The following VPS50 variants were observed in gnomAD, a reference collection of about 807,000 sequenced individuals.
VPS50 encodes the protein VPS50 subunit of EARP/GARPII complex.
In VPS50, 70 loss-of-function variants were observed where a neutral mutation model predicts 139.7. The ratio of observed to expected loss-of-function variants is 0.50; its 90% CI spans 0.41 to 0.61. The LOEUF (loss-of-function observed/expected upper bound fraction) is 0.61. Among genes scored for constraint, VPS50 ranks in the 20% least tolerant of loss-of-function variants. The probability of loss-of-function intolerance (pLI) is 0.00; values close to 1 mark genes in which losing one functional copy is unlikely to be tolerated. For synonymous variants in VPS50, 365 were observed against 376.7 expected (o/e 0.97, Z 0.36); for missense variants, 921 against 1,133.7 (o/e 0.81, Z 2.69).
intron 21 of VPS50, among the ~76,000 whole-genome samples, chr7:93,326,459 A>AAAAT (rs1797781129): frequency 6.7e-6 from 1 of 149,960 alleles, no homozygotes; most frequent in African/African-American, 2.5e-5. Flanking sequence ...ATAATAAAAA[A>AAAAT]AAAATAAAAT....
At chr7:93,280,125 T>A (rs1259715736) in intron 12 of VPS50, among the ~76,000 whole-genome samples, 1 of 152,216 alleles carries the variant, frequency 6.6e-6, no homozygotes, top group Non-Finnish European at 1.5e-5. Context: ...TTGTTTCTAT[T>A]CACCATTGCT....
chr7:93,278,098 G>A (rs1796212396), intron 12 of VPS50, among the ~76,000 whole-genome samples: 1 of 152,084 alleles, frequency 6.6e-6, no homozygotes, highest in African/African-American at 2.4e-5. Flanking sequence ...GTTTGTGTAT[G>A]TATATTTTGC....
At chr7:93,298,453 C>T (rs983197531) in intron 16 of VPS50, among the ~76,000 whole-genome samples, 8 of 152,152 alleles carry the variant, frequency 5.3e-5, no homozygotes, top group Admixed American at 1.3e-4. Flanking sequence ...ACAAAGGAGC[C>T]GGAAGCCTCA....
intron 15 of VPS50, 121 bp from the exon 16 acceptor site, chr7:93,297,024 A>G: frequency 3.4e-6 from 5 of 1,456,046 alleles, no homozygotes; most frequent in Non-Finnish European, 3.6e-6. Context: ...TGTGATCTTT[A>G]GAATTTTTTC....
intron 12 of VPS50, among the ~76,000 whole-genome samples, chr7:93,286,488 A>T (rs1796490234): frequency 6.6e-6 from 1 of 152,198 alleles, no homozygotes; most frequent in Non-Finnish European, 1.5e-5. Context: ...TGAAAGGTGA[A>T]GCTGAGAACC....
At chr7:93,352,981 G>A (rs997321506) in intron 25 of VPS50, among the ~76,000 whole-genome samples, 3 of 152,070 alleles carry the variant, frequency 2.0e-5, no homozygotes, top group African/African-American at 4.8e-5. Flanking sequence ...GTGCCAGCAT[G>A]ACACTCAGAG....
At position 93,256,514 on chromosome 7, in the gene VPS50, T is replaced by C. The variant is rs1795487718; in HGVS notation, c.303T>C (p.Ser101=). The C allele has an allele frequency of 4.2e-6, 6 of 1,416,206 alleles. No individual in the cohort carries two copies. The highest frequency in any genetic ancestry group is 4.8e-6 in the Non-Finnish European group (5 of 1,051,668). The allele number at this position is 1,416,206 out of a possible 1,614,324, so 87.7% of individuals were successfully genotyped here. A position where few individuals can be genotyped will look rare whatever the true frequency, so the allele number is the denominator to read the frequency against. Residue 101 remains serine, a synonymous_variant, in exon 5 of 28, where the codon TCT becomes TCC. Transcript: ENST00000305866. ...DKLKQQQAAV[S]KKVADLILEK... The stretch of plus-strand genomic sequence containing the variant: ...TTGATTACATCTTCTTATAGGTATC[T>C]AAAAAAGTGGCAGATTTAATCCTTG...
intron 23 of VPS50, among the ~76,000 whole-genome samples, chr7:93,347,950 C>T (rs1798449508): frequency 6.7e-6 from 1 of 150,256 alleles, no homozygotes; most frequent in South Asian, 2.1e-4. Flanking sequence ...ACATTGTGCA[C>T]ATGTACCCTA....
At chr7:93,288,470 G>A (rs1358326839) in intron 12 of VPS50, among the ~76,000 whole-genome samples, 2 of 152,138 alleles carry the variant, frequency 1.3e-5, no homozygotes, top group Non-Finnish European at 2.9e-5. Flanking sequence ...CACATTGTTT[G>A]AGGTATACCT....
Position 93,349,091 on chromosome 7 carries a change from C to T in VPS50, c.2304+284C>T, listed in dbSNP as rs186560394. 7.1e-3 allele frequency among the ~76,000 whole-genome samples: 1,082 copies of T among 152,062 alleles called. 6 individuals carry two copies. The highest frequency in any genetic ancestry group is 0.027 in the Middle Eastern group (8 of 294). On this transcript the variant is annotated intron_variant, in intron 24 of 27. Transcript: ENST00000305866. The stretch of plus-strand genomic sequence containing the variant: ...GGAAAGTGCCATGAGTGTATTTAAC[C>T]CAGACTGGAGAAGGGGAGAGGCTTT...
chr7:93,327,372 A>T (rs1428722781), intron 21 of VPS50, among the ~76,000 whole-genome samples: 1 of 139,634 alleles, frequency 7.2e-6, no homozygotes, highest in African/African-American at 2.8e-5. Context: ...AGATGTGTTA[A>T]AATAAATAAG....
chr7:93,243,058 G>A (rs1795043365), intron 2 of VPS50, among the ~76,000 whole-genome samples: 1 of 151,792 alleles, frequency 6.6e-6, no homozygotes, highest in African/African-American at 2.4e-5. Flanking sequence ...TAAACCATCT[G>A]GTACAATTTC....
intron 11 of VPS50, among the ~76,000 whole-genome samples, chr7:93,274,493 A>G (rs909113741): frequency 7.9e-5 from 12 of 152,112 alleles, no homozygotes; most frequent in African/African-American, 2.4e-4. Context: ...ATCGATTACA[A>G]CATGGCCTAC....
chr7:93,302,950 G>A (rs1357546028), intron 16 of VPS50, among the ~76,000 whole-genome samples: 1 of 152,002 alleles, frequency 6.6e-6, no homozygotes, highest in Non-Finnish European at 1.5e-5. Context: ...AATTTAATTT[G>A]TAAATGCTAT....
intron 23 of VPS50, among the ~76,000 whole-genome samples, chr7:93,348,376 A>T (rs1365712828): frequency 6.6e-6 from 1 of 152,156 alleles, no homozygotes; most frequent in Non-Finnish European, 1.5e-5. Flanking sequence ...GAAATCCTTT[A>T]AAAAAATACC....
At chr7:93,244,160 TAAG>T (rs1200884153) in intron 2 of VPS50, among the ~76,000 whole-genome samples, 2 of 151,864 alleles carry the variant, frequency 1.3e-5, no homozygotes, top group African/African-American at 4.8e-5. Context: ...TGTTTAAGGA[TAAG>T]AAATAATTTT....
chr7:93,308,751 T>C, intron 18 of VPS50, 73 bp from the exon 19 acceptor site: 1 of 683,876 alleles, frequency 1.5e-6, no homozygotes, highest in Non-Finnish European at 2.6e-6. Context: ...AACTGAGTAC[T>C]TTCACTGTGT....
At chr7:93,256,013 C>T (rs1562853052) in intron 4 of VPS50, among the ~76,000 whole-genome samples, 1 of 152,160 alleles carries the variant, frequency 6.6e-6, no homozygotes, top group Non-Finnish European at 1.5e-5. Context: ...ATCTTCATAG[C>T]GTTCCAAAAA....
At chr7:93,337,671 C>T (rs780816159) in intron 22 of VPS50, among the ~76,000 whole-genome samples, 4 of 152,084 alleles carry the variant, frequency 2.6e-5, no homozygotes, top group Non-Finnish European at 4.4e-5. Context: ...CTTAATTATA[C>T]AATATTTTAA....
Sources: allele counts gnomAD v4.1 joint callset (sites outside exome capture counted in the v4.1 genomes callset), GRCh38; gene constraint gnomAD v4.1.1; transcripts MANE v1.5; gene names NCBI Gene and HGNC (gene_info 2026-07-23, HGNC 2026-07-21).